BAIAP2: variants seen among roughly 807,000 people sequenced by gnomAD.
BAIAP2 encodes BAR/IMD domain containing adaptor protein 2.
Under a neutral mutation model 63.0 loss-of-function variants are expected in BAIAP2, and 18 were observed. That is an observed-to-expected ratio of 0.29 (90% CI 0.20 to 0.42). The LOEUF (loss-of-function observed/expected upper bound fraction) is 0.42, where lower values mean the gene tolerates loss of function less well. BAIAP2 is among the 10% of genes least tolerant of loss of function. BAIAP2 has a pLI of 1.00. For missense variants in BAIAP2, 610 were observed against 734.3 expected (o/e 0.83, Z 1.96); for synonymous variants, 386 against 307.6 (o/e 1.25, Z -2.67).
intron 1 of BAIAP2, among the ~76,000 whole-genome samples, 186 bp downstream of exon 1, chr17:81,035,494 G>A (rs1176787919): frequency 6.7e-6 from 1 of 148,380 alleles, no homozygotes; most frequent in Non-Finnish European, 1.5e-5. Context: ...CCCGGCGCCG[G>A]CCGCTCACAG....
chr17:81,040,127 C>G (rs1440937380), intron 1 of BAIAP2, among the ~76,000 whole-genome samples: 1 of 152,220 alleles, frequency 6.6e-6, no homozygotes, highest in Non-Finnish European at 1.5e-5. Context: ...AGGCGGGGTG[C>G]CACTGACTGC....
intron 3 of BAIAP2, among the ~76,000 whole-genome samples, chr17:81,074,376 G>A (rs770850113): frequency 2.1e-4 from 32 of 151,534 alleles, no homozygotes; most frequent in East Asian, 5.8e-4. Context: ...CTGTGTGTGC[G>A]TGCACGGATA....
chr17:81,082,060 C>T (rs1387143190), intron 3 of BAIAP2, among the ~76,000 whole-genome samples: 1 of 152,034 alleles, frequency 6.6e-6, no homozygotes, highest in African/African-American at 2.4e-5. Flanking sequence ...GTCCTGCTCC[C>T]TCCTGGCCCC....
chr17:81,115,718 A>G (rs1208196216), intron 13 of BAIAP2, 52 bp from the exon 14 acceptor site: 16 of 1,610,668 alleles, frequency 9.9e-6, no homozygotes, highest in East Asian at 2.2e-5. Flanking sequence ...AGGTGGCACA[A>G]TTCACCCATG....
chr17:81,066,026 GTCTA>G (rs2051394227), intron 3 of BAIAP2, among the ~76,000 whole-genome samples: 1 of 152,252 alleles, frequency 6.6e-6, no homozygotes, highest in Non-Finnish European at 1.5e-5. Context: ...TGTCCAGCCT[GTCTA>G]TCTGGGGCCC....
chr17:81,041,398 A>G (rs918428030), intron 1 of BAIAP2, among the ~76,000 whole-genome samples: 1 of 152,132 alleles, frequency 6.6e-6, no homozygotes, highest in East Asian at 1.9e-4. Context: ...GCACCATGAG[A>G]TCTGATGTCC....
chr17:81,104,829 G>A lies in BAIAP2; in HGVS notation c.1268+114G>A, dbSNP rs996637511. ...GTTTAGAGTGGCTGTGCAGGTTGCGGGTCCTCGCCGTAGAAGACCTGGGCA... is the reference window on the plus strand; with the variant it reads ...GTTTAGAGTGGCTGTGCAGGTTGCGAGTCCTCGCCGTAGAAGACCTGGGCA... On this transcript the variant is annotated intron_variant, in intron 10 of 13. Coordinates refer to ENST00000428708, the MANE Select transcript of BAIAP2 (RefSeq NM_001144888.2). The A allele has an allele frequency of 6.1e-6, 7 of 1,153,424 alleles. No individual in the cohort carries two copies. The Admixed American group carries it at 7.2e-5, about 12-fold the overall frequency. The allele number at this position is 1,153,424 out of a possible 1,614,324, so 71.4% of individuals were successfully genotyped here. A position where few individuals can be genotyped will look rare whatever the true frequency, so the allele number is the denominator to read the frequency against.
At chr17:81,098,212 G>A (rs1299352903) in intron 6 of BAIAP2, 1 of 1,346,034 alleles carries the variant, frequency 7.4e-7, no homozygotes, top group South Asian at 1.9e-5. Context: ...CATACAACAA[G>A]CCCTGCACCC....
At position 81,070,569 on chromosome 17, in the gene BAIAP2, C is replaced by T. The variant is rs373358002; in HGVS notation, c.217+12602C>T. 2.2e-4 allele frequency among the ~76,000 whole-genome samples: 33 copies of T among 152,280 alleles called. No homozygotes were observed. The East Asian group carries it at 3.9e-3, about 18-fold the overall frequency. On this transcript the variant is annotated intron_variant, in intron 3 of 13. Coordinates refer to ENST00000428708, the MANE Select transcript of BAIAP2 (RefSeq NM_001144888.2). Reference sequence around the variant, plus strand: ...GCTGCAGAGGGGTTCCTAGTGGACGCGGGGGCAGGAGAAGGCCCTGGCGTG... The same window carrying T: ...GCTGCAGAGGGGTTCCTAGTGGACGTGGGGGCAGGAGAAGGCCCTGGCGTG...
intron 3 of BAIAP2, among the ~76,000 whole-genome samples, chr17:81,073,779 C>T (rs1369047666): frequency 6.6e-6 from 1 of 152,192 alleles, no homozygotes; most frequent in African/African-American, 2.4e-5. Context: ...TTTAAAATGT[C>T]ACTGTTGTGA....
At chr17:81,104,403 T>A in intron 9 of BAIAP2, 111 bp from the exon 10 acceptor site, 1 of 1,232,930 alleles carries the variant, frequency 8.1e-7, no homozygotes, top group Non-Finnish European at 1.1e-6. Flanking sequence ...CCAGCCCACT[T>A]ACCCACCTGG....
At chr17:81,079,137 G>C (rs2054184359) in intron 3 of BAIAP2, among the ~76,000 whole-genome samples, 1 of 152,176 alleles carries the variant, frequency 6.6e-6, no homozygotes. Context: ...ATGCTGGCCG[G>C]GCATGCCTGG....
In BAIAP2 at chr17:81,104,501, C is replaced by A; in HGVS notation, c.1067-13C>A. The A allele has an allele frequency of 6.3e-7, 1 of 1,581,832 alleles. No individual in the cohort carries two copies. The highest frequency in any genetic ancestry group is 1.1e-5 in the South Asian group (1 of 89,130). Reference sequence around the variant, plus strand: ...CCAGGGGCAGTCCCCTTACCTGTCCCTTGTCCCAGCAGCCGAGAACAAGAC... The same window carrying A: ...CCAGGGGCAGTCCCCTTACCTGTCCATTGTCCCAGCAGCCGAGAACAAGAC... On this transcript the variant is annotated splice_polypyrimidine_tract_variant and intron_variant, in intron 9 of 13. Transcript: ENST00000428708.
chr17:81,055,665 A>G lies in BAIAP2; in HGVS notation c.130+1922A>G, dbSNP rs1471510037. ...CCTGCAAACTCTGCCTCCCGGGTTC[A>G]CGCCATTCTCCTGCCTCAGCCTCCC... On this transcript the variant is annotated intron_variant, in intron 2 of 13. Coordinates refer to ENST00000428708, the MANE Select transcript of BAIAP2 (RefSeq NM_001144888.2). Among the ~76,000 whole-genome samples, 5 of 148,084 alleles carry G rather than the reference A, an allele frequency of 3.4e-5. No individual in the cohort carries two copies. In the East Asian group the frequency reaches 1.0e-3, roughly 30 times the overall value.
chr17:81,049,683 C>T (rs1352359756), intron 1 of BAIAP2, among the ~76,000 whole-genome samples: 5 of 152,202 alleles, frequency 3.3e-5, no homozygotes, highest in Non-Finnish European at 7.3e-5. Context: ...TTCTTTCCAC[C>T]TGGGGCCGCT....
chr17:81,067,872 G>A (rs1360616529), intron 3 of BAIAP2, among the ~76,000 whole-genome samples: 9 of 152,358 alleles, frequency 5.9e-5, no homozygotes, highest in East Asian at 1.9e-4. Context: ...GGCACCTGCC[G>A]TCCCTCGGTA....
Position 81,108,299 on chromosome 17 carries a change from C to T in BAIAP2, c.1501-176C>T, listed in dbSNP as rs369828126. The T allele has an allele frequency of 5.5e-3, 3,585 of 652,600 alleles. 17 individuals are homozygous for T. Among genetic ancestry groups the T allele is most frequent in the Non-Finnish European group, 7.7e-3 (2,904 of 375,054 alleles). The allele number at this position is 652,600 out of a possible 1,614,324, so 40.4% of individuals were successfully genotyped here. A position where few individuals can be genotyped will look rare whatever the true frequency, so the allele number is the denominator to read the frequency against. On this transcript the variant is annotated intron_variant, in intron 12 of 13. Transcript: ENST00000428708. ...GGCAGTCATTACTTTACCACTGGGA[C>T]CAGGGCTCCAGGCAGGTCTCTGAGT...
At chr17:81,091,577 C>G (rs1449788474) in intron 6 of BAIAP2, among the ~76,000 whole-genome samples, 1 of 152,182 alleles carries the variant, frequency 6.6e-6, no homozygotes, top group Non-Finnish European at 1.5e-5. Context: ...TAGCAGTTGT[C>G]CCCAATCCTG....
At position 81,106,099 on chromosome 17, in the gene BAIAP2, C is replaced by G; in HGVS notation, c.1290C>G (p.Ser430=). The stretch of plus-strand genomic sequence containing the variant: ...CCAGGCGGGGCTGGTTTCCCTTCTC[C>G]TACACCCGGGTCTTGGACAGCGATG... ...KTKMRGWFPF[S]YTRVLDSDGS... The change falls in exon 11 of 14, where the codon TCC becomes TCG. Residue 430 remains serine (S), a synonymous_variant. Coordinates refer to ENST00000428708, the MANE Select transcript of BAIAP2 (RefSeq NM_001144888.2). The G allele has an allele frequency of 6.3e-7, 1 of 1,582,370 alleles. No individual in the cohort carries two copies. The highest frequency in any genetic ancestry group is 2.3e-5 in the East Asian group (1 of 43,686).
Sources: gnomAD v4.1 joint callset for allele counts (sites outside exome capture counted in the v4.1 genomes callset) on GRCh38, gnomAD v4.1.1 for gene constraint, MANE v1.5 for transcripts, NCBI Gene and HGNC (gene_info 2026-07-23, HGNC 2026-07-21) for gene names.